Variants in ATP9B observed in about 807,000 individuals in gnomAD.
ATP9B encodes the protein probable phospholipid-transporting ATPase IIB.
Under a neutral mutation model 146.1 loss-of-function variants are expected in ATP9B, and 110 were observed. That is an observed-to-expected ratio of 0.75 (90% CI 0.65 to 0.88). The LOEUF (loss-of-function observed/expected upper bound fraction) is 0.88, where lower values mean the gene tolerates loss of function less well. ATP9B is among the 40% of genes least tolerant of loss of function. The pLI, the probability that ATP9B is intolerant of heterozygous loss-of-function variation, is 0.00. For synonymous variants in ATP9B, 604 were observed against 569.7 expected, an observed-to-expected ratio of 1.06 and a Z score of -0.86; for missense variants, 1,499 against 1,496.4, an observed-to-expected ratio of 1.00 and a Z score of -0.03.
chr18:79,369,443 G>A (rs1250867652), intron 26 of ATP9B, among the ~76,000 whole-genome samples: 1 of 148,308 alleles, frequency 6.7e-6, no homozygotes, highest in African/African-American at 2.5e-5. Context: ...TGAGGTAGGA[G>A]AATGGCGTGA....
intron 7 of ATP9B, among the ~76,000 whole-genome samples, chr18:79,170,838 C>T (rs747732154): frequency 2.6e-5 from 4 of 152,182 alleles, no homozygotes; most frequent in Admixed American, 6.5e-5. Context: ...CTGATTGTGA[C>T]GCCAAATTTA....
At chr18:79,106,831 A>ACAG (rs1272063079) in intron 2 of ATP9B, among the ~76,000 whole-genome samples, 3 of 152,208 alleles carry the variant, frequency 2.0e-5, no homozygotes, top group Non-Finnish European at 2.9e-5. Context: ...GTAGTTGCTG[A>ACAG]CAGTGATGGT....
At chr18:79,073,204 G>C (rs940662576) in intron 1 of ATP9B, among the ~76,000 whole-genome samples, 1 of 152,158 alleles carries the variant, frequency 6.6e-6, no homozygotes, top group Admixed American at 6.5e-5. Flanking sequence ...AGGCAGAGAC[G>C]CTCCTCACTT....
chr18:79,164,241 A>G (rs2094929656), intron 7 of ATP9B, among the ~76,000 whole-genome samples: 1 of 152,170 alleles, frequency 6.6e-6, no homozygotes, highest in Non-Finnish European at 1.5e-5. Context: ...TTTTTAAAGT[A>G]TATGTAATCA....
intron 8 of ATP9B, among the ~76,000 whole-genome samples, chr18:79,179,035 G>T (rs1207384559): frequency 6.6e-6 from 1 of 152,070 alleles, no homozygotes; most frequent in African/African-American, 2.4e-5. Context: ...GAATTTCTTT[G>T]GTATAGAGTT....
intron 2 of ATP9B, among the ~76,000 whole-genome samples, chr18:79,103,852 C>A (rs897672210): frequency 1.3e-5 from 2 of 152,108 alleles, no homozygotes; most frequent in Admixed American, 6.5e-5. Context: ...GGTAGGCCCC[C>A]ACGACGTTGT....
intron 7 of ATP9B, among the ~76,000 whole-genome samples, chr18:79,171,184 A>G (rs1227217800): frequency 1.3e-5 from 2 of 152,068 alleles, no homozygotes; most frequent in African/African-American, 4.8e-5. Flanking sequence ...TTTATTAAAA[A>G]CCTATTTTTA....
chr18:79,234,589 G>GTGCTTGCTGTGGGCC (rs1205415110), intron 11 of ATP9B, among the ~76,000 whole-genome samples: 9,579 of 150,574 alleles, frequency 0.064, 389 homozygotes, highest in Non-Finnish European at 0.088. Flanking sequence ...TGCTGTGGGT[G>GTGCTTGCTGTGGGCC]TGCTTGCTGT....
At chr18:79,331,118 G>A (rs2096787825) in intron 17 of ATP9B, among the ~76,000 whole-genome samples, 1 of 152,200 alleles carries the variant, frequency 6.6e-6, no homozygotes, top group Non-Finnish European at 1.5e-5. Context: ...GTAAAATGGA[G>A]ACTGTTGTAA....
At chr18:79,253,701 G>T (rs1409562689) in intron 12 of ATP9B, 160 bp downstream of exon 12, 11 of 754,946 alleles carry the variant, frequency 1.5e-5, no homozygotes, top group Non-Finnish European at 2.2e-5. Context: ...TGGAAATGTT[G>T]TTGGGGGAGA....
At chr18:79,159,331 T>G (rs746715879) in intron 7 of ATP9B, among the ~76,000 whole-genome samples, 1 of 152,164 alleles carries the variant, frequency 6.6e-6, no homozygotes, top group Non-Finnish European at 1.5e-5. Flanking sequence ...TGAGCTCCCT[T>G]TGCCCTGTTA....
At chr18:79,318,240 T>C (rs931625255) in intron 15 of ATP9B, among the ~76,000 whole-genome samples, 9 of 152,176 alleles carry the variant, frequency 5.9e-5, no homozygotes, top group Admixed American at 1.3e-4. Flanking sequence ...CCAAAGAGCA[T>C]GGTGTGAAAA....
At chr18:79,280,844 C>T (rs1469837696) in intron 13 of ATP9B, among the ~76,000 whole-genome samples, 10 of 152,120 alleles carry the variant, frequency 6.6e-5, no homozygotes, top group Admixed American at 4.6e-4. Context: ...TAAATCTCTG[C>T]ATTTTTAGAA....
At chr18:79,272,085 T>C (rs1369560154) in intron 12 of ATP9B, among the ~76,000 whole-genome samples, 2 of 152,254 alleles carry the variant, frequency 1.3e-5, no homozygotes, top group Admixed American at 1.3e-4. Context: ...TTGATGGGGT[T>C]GTTTTTTTCT....
At chr18:79,371,312 C>G (rs954667672) in intron 26 of ATP9B, among the ~76,000 whole-genome samples, 4 of 132,582 alleles carry the variant, frequency 3.0e-5, no homozygotes, top group Admixed American at 1.7e-4. Flanking sequence ...GCAGAAGTTG[C>G]AATGAGCCAA....
chr18:79,148,654 G>C (rs1008684087), intron 6 of ATP9B, among the ~76,000 whole-genome samples: 2 of 152,166 alleles, frequency 1.3e-5, no homozygotes, highest in Non-Finnish European at 2.9e-5. Flanking sequence ...CCTCCTCTCT[G>C]AGACTGGCGA....
intron 26 of ATP9B, chr18:79,360,081 C>T (rs1227122300): frequency 6.4e-6 from 1 of 156,040 alleles, no homozygotes; most frequent in African/African-American, 2.4e-5. Flanking sequence ...TAAAACTGTG[C>T]TCTGTTAGGA....
intron 13 of ATP9B, among the ~76,000 whole-genome samples, chr18:79,296,461 A>G (rs2096548305): frequency 6.6e-6 from 1 of 152,252 alleles, no homozygotes; most frequent in Admixed American, 6.5e-5. Flanking sequence ...TGAGAATCCT[A>G]CGCTAGCTGC....
intron 25 of ATP9B, among the ~76,000 whole-genome samples, chr18:79,355,999 G>T (rs1189410530): frequency 6.6e-6 from 1 of 152,214 alleles, no homozygotes; most frequent in Non-Finnish European, 1.5e-5. Flanking sequence ...GAAAGGGGGT[G>T]TTGGCAAGAC....
Sources: allele counts gnomAD v4.1 joint callset (sites outside exome capture counted in the v4.1 genomes callset), GRCh38; gene constraint gnomAD v4.1.1; transcripts MANE v1.5; gene names NCBI Gene and HGNC (gene_info 2026-07-23, HGNC 2026-07-21).